The following DOK6 variants were observed in gnomAD, a reference collection of about 807,000 sequenced individuals.
DOK6 encodes the protein downstream of tyrosine kinase 6.
DOK6 carries 22 observed loss-of-function variants against 44.0 expected under a neutral mutation model. That is an observed-to-expected ratio of 0.50 (90% CI 0.36 to 0.71). The LOEUF is 0.71. Ranked by LOEUF, DOK6 falls within the 30% of genes least tolerant of loss-of-function variation. The probability of loss-of-function intolerance (pLI) is 0.00; values close to 1 mark genes in which losing one functional copy is unlikely to be tolerated. For synonymous variants in DOK6, 166 were observed against 145.5 expected (o/e 1.14, Z -1.01); for missense variants, 340 against 416.4 (o/e 0.82, Z 1.60).
rs545785311 is a variant in DOK6 at position 69,803,788 on chromosome 18, G to A, written c.857-37456G>A. 7.9e-5 allele frequency among the ~76,000 whole-genome samples: 12 copies of A among 152,194 alleles called. No homozygotes were observed. The East Asian group carries it at 2.3e-3, about 29-fold the overall frequency. ...GCAGAAGAATCACTTGAACCCGGGAGGCAGAGGTTGCAGTGAGCCAAGATC... is the reference window on the plus strand; with the variant it reads ...GCAGAAGAATCACTTGAACCCGGGAAGCAGAGGTTGCAGTGAGCCAAGATC... On this transcript the variant is annotated intron_variant, in intron 7 of 7. Transcript: ENST00000382713.
At chr18:69,587,322 C>T (rs185694319) in intron 2 of DOK6, among the ~76,000 whole-genome samples, 5 of 152,112 alleles carry the variant, frequency 3.3e-5, no homozygotes. Flanking sequence ...CCAGGTCTTC[C>T]TTGGTTAGCG....
intron 7 of DOK6, 81 bp from the exon 8 acceptor site, chr18:69,841,163 A>G (rs1982204897): frequency 6.5e-7 from 1 of 1,544,734 alleles, no homozygotes; most frequent in Admixed American, 1.7e-5. Context: ...AGATAGATAG[A>G]TAATAGATAG....
At chr18:69,431,872 C>T (rs1412275984) in intron 1 of DOK6, among the ~76,000 whole-genome samples, 1 of 152,174 alleles carries the variant, frequency 6.6e-6, no homozygotes, top group Non-Finnish European at 1.5e-5. Flanking sequence ...GAGAATTCTA[C>T]ATACCCTTCA....
rs1397797624 is a variant in DOK6 at position 69,610,873 on chromosome 18, A to G, written c.289+11375A>G. Among the ~76,000 whole-genome samples, 4 of 152,094 alleles carry G rather than the reference A, an allele frequency of 2.6e-5. No individual in the cohort carries two copies. The East Asian group carries it at 7.7e-4, about 29-fold the overall frequency. ...GAGCATTCATTGATTTTGGTATTTG[A>G]GGGTCAGAGAAGGGGTTCCTTAAAC... On this transcript the variant is annotated intron_variant, in intron 3 of 7. Transcript: ENST00000382713.
At chr18:69,435,669 C>T (rs116971465) in intron 1 of DOK6, among the ~76,000 whole-genome samples, 299 of 152,262 alleles carry the variant, frequency 2.0e-3, no homozygotes, top group Non-Finnish European at 3.6e-3. Context: ...CATTTTTCAC[C>T]TTAATGGAAT....
At chr18:69,445,261 C>T (rs1172701348) in intron 1 of DOK6, among the ~76,000 whole-genome samples, 1 of 152,022 alleles carries the variant, frequency 6.6e-6, no homozygotes, top group Non-Finnish European at 1.5e-5. Context: ...TTAGGTTTAC[C>T]TATAGATATA....
chr18:69,590,530 T>C (rs1983598911), intron 2 of DOK6, among the ~76,000 whole-genome samples: 1 of 152,136 alleles, frequency 6.6e-6, no homozygotes, highest in Admixed American at 6.5e-5. Context: ...GGCTGGAACT[T>C]AGCTTGTGTT....
chr18:69,727,006 T>C (rs2144728297), intron 5 of DOK6, among the ~76,000 whole-genome samples: 1 of 152,258 alleles, frequency 6.6e-6, no homozygotes, highest in Middle Eastern at 3.4e-3. Flanking sequence ...AGGTGGATGC[T>C]GCCATGCCTG....
intron 3 of DOK6, among the ~76,000 whole-genome samples, chr18:69,606,019 C>A (rs1229269603): frequency 6.6e-6 from 1 of 152,118 alleles, no homozygotes; most frequent in Non-Finnish European, 1.5e-5. Flanking sequence ...CACCTATAAT[C>A]CCAGCACTTT....
chr18:69,498,659 G>A (rs1980963778), intron 1 of DOK6, among the ~76,000 whole-genome samples: 1 of 152,062 alleles, frequency 6.6e-6, no homozygotes, highest in African/African-American at 2.4e-5. Context: ...CTATATTGGG[G>A]GGTAAATTAT....
intron 7 of DOK6, among the ~76,000 whole-genome samples, chr18:69,774,172 G>T (rs1979991276): frequency 2.0e-5 from 1 of 49,374 alleles, no homozygotes; most frequent in Admixed American, 2.8e-4. Context: ...ATACTACTCA[G>T]TCATAAAAAG....
intron 1 of DOK6, among the ~76,000 whole-genome samples, chr18:69,479,417 A>G (rs1980357653): frequency 6.6e-6 from 1 of 152,132 alleles, no homozygotes; most frequent in Non-Finnish European, 1.5e-5. Flanking sequence ...CCCTCAATAT[A>G]AAAGGGATGT....
intron 7 of DOK6, among the ~76,000 whole-genome samples, chr18:69,825,427 CTTTTTTTTTTTTT>C (rs34656265): frequency 2.4e-5 from 2 of 82,958 alleles, no homozygotes; most frequent in African/African-American, 9.9e-5. Context: ...ATCATAACTT[CTTTTTTTTTTTTT>C]TTTTTTTTTT....
intron 1 of DOK6, among the ~76,000 whole-genome samples, chr18:69,562,459 G>A (rs1982859063): frequency 6.6e-6 from 1 of 152,150 alleles, no homozygotes; most frequent in Admixed American, 6.5e-5. Flanking sequence ...TTTGAAGTCA[G>A]GTAGTGTGAT....
Position 69,589,197 on chromosome 18 carries a change from A to G in DOK6, c.175-10187A>G, listed in dbSNP as rs146087889. On this transcript the variant is annotated intron_variant, in intron 2 of 7. Transcript: ENST00000382713. ...TATTGTTATGAAAGCTTAGGATTCA[A>G]GCATAGAGAGATTAACCTATATTTA... Among the ~76,000 whole-genome samples the G allele has an allele frequency of 7.9e-3, 1,200 of 152,294 alleles. 22 individuals are homozygous for G. The highest frequency in any genetic ancestry group is 0.028 in the African/African-American group (1,155 of 41,572).
intron 7 of DOK6, among the ~76,000 whole-genome samples, chr18:69,791,756 T>C (rs1315456198): frequency 6.6e-6 from 1 of 152,128 alleles, no homozygotes; most frequent in East Asian, 1.9e-4. Flanking sequence ...TTTAACTTGA[T>C]GTGATCCCAT....
At chr18:69,708,938 A>G (rs982818452) in intron 5 of DOK6, among the ~76,000 whole-genome samples, 5 of 152,202 alleles carry the variant, frequency 3.3e-5, no homozygotes, top group African/African-American at 9.6e-5. Flanking sequence ...TTTCCTTTGA[A>G]GAAATCAACA....
At chr18:69,610,954 CAG>C (rs34077388) in intron 3 of DOK6, among the ~76,000 whole-genome samples, 3,883 of 151,624 alleles carry the variant, frequency 0.026, 57 homozygotes, top group South Asian at 0.052. Flanking sequence ...TTAAAGGAAA[CAG>C]AGAGAGAGAG....
At chr18:69,695,287 G>A (rs1267526156) in intron 4 of DOK6, among the ~76,000 whole-genome samples, 1 of 152,146 alleles carries the variant, frequency 6.6e-6, no homozygotes, top group Admixed American at 6.5e-5. Flanking sequence ...ATTGGAGGGG[G>A]CCCAGCATTC....
Sources: allele counts gnomAD v4.1 joint callset (sites outside exome capture counted in the v4.1 genomes callset), GRCh38; gene constraint gnomAD v4.1.1; transcripts MANE v1.5; gene names NCBI Gene and HGNC (gene_info 2026-07-23, HGNC 2026-07-21).